The following FBXO4 variants were observed in gnomAD, a reference collection of about 807,000 sequenced individuals.
FBXO4 encodes the protein F-box protein 4, also known as F-box only protein 4.
A neutral mutation model predicts 43.7 loss-of-function variants in FBXO4; 36 were observed. That is an observed-to-expected ratio of 0.82 (90% CI 0.63 to 1.09). FBXO4 has a LOEUF of 1.09. Among genes scored for constraint, FBXO4 ranks in the 50% least tolerant of loss-of-function variants. The pLI is 0.00. For synonymous variants in FBXO4, 180 were observed against 165.6 expected (o/e 1.09, Z -0.67); for missense variants, 435 against 474.1 (o/e 0.92, Z 0.77).
the FBXO4 span, among the ~76,000 whole-genome samples, chr5:41,959,589 T>A: frequency 6.6e-6 from 1 of 152,172 alleles, no homozygotes; most frequent in Non-Finnish European, 1.5e-5. Context: ...TATTTTCATT[T>A]TTCTGCATGT....
the FBXO4 span, among the ~76,000 whole-genome samples, chr5:41,999,464 TG>T: frequency 8.1e-4 from 51 of 63,286 alleles, no homozygotes; most frequent in African/African-American, 2.9e-3. Context: ...TGTGTGTGTG[TG>T]TATATATATA....
chr5:41,974,069 ATCTC>A, the FBXO4 span, among the ~76,000 whole-genome samples: 14 of 152,146 alleles, frequency 9.2e-5, no homozygotes, highest in African/African-American at 3.4e-4. Context: ...GGCTTGCATC[ATCTC>A]TCTAATTGTT....
the FBXO4 span, among the ~76,000 whole-genome samples, chr5:41,955,146 T>C: frequency 6.6e-6 from 1 of 152,184 alleles, no homozygotes; most frequent in African/African-American, 2.4e-5. Context: ...GTCAATGTAC[T>C]TTCACACATC....
At chr5:41,967,043 A>C in the FBXO4 span, 2 of 267,962 alleles carry the variant, frequency 7.5e-6, no homozygotes, top group East Asian at 1.0e-4. Flanking sequence ...AAACCATTTC[A>C]GTGGAAAAAA....
At chr5:41,977,378 G>A in the FBXO4 span, among the ~76,000 whole-genome samples, 1 of 152,034 alleles carries the variant, frequency 6.6e-6, no homozygotes, top group Non-Finnish European at 1.5e-5. Flanking sequence ...TAAATATAAG[G>A]TTCAACTTTA....
intron 1 of FBXO4, among the ~76,000 whole-genome samples, chr5:41,926,781 T>C (rs529666448): frequency 6.6e-6 from 1 of 152,360 alleles, no homozygotes; most frequent in East Asian, 1.9e-4. Flanking sequence ...TTTTCAGGAA[T>C]GTTTCAGGTG....
At chr5:41,982,272 G>T in the FBXO4 span, among the ~76,000 whole-genome samples, 2 of 152,066 alleles carry the variant, frequency 1.3e-5, no homozygotes, top group African/African-American at 4.8e-5. Context: ...CCCAGTAATG[G>T]GATGGCTGGG....
downstream of FBXO4, among the ~76,000 whole-genome samples, chr5:41,944,300 G>A (rs1409594933): frequency 2.0e-5 from 3 of 152,178 alleles, no homozygotes; most frequent in Non-Finnish European, 4.4e-5. Flanking sequence ...TATACCTAGA[G>A]AAAGTACAAT....
chr5:42,030,733 T>C, the FBXO4 span, among the ~76,000 whole-genome samples: 11 of 152,012 alleles, frequency 7.2e-5, 1 homozygote, highest in East Asian at 1.9e-4. Context: ...ATATCCAGAA[T>C]CTACAATGAA....
intron 6 of FBXO4, 99 bp downstream of exon 6, chr5:41,939,715 T>G (rs1051210305): frequency 2.0e-6 from 2 of 992,322 alleles, no homozygotes; most frequent in Admixed American, 2.9e-5. Context: ...GAAATGGCAT[T>G]CTAAAGTCAA....
intron 5 of FBXO4, chr5:41,935,233 A>G: frequency 1.3e-6 from 1 of 756,728 alleles, no homozygotes; most frequent in Non-Finnish European, 1.6e-6. Context: ...ATAAATTAAA[A>G]AAATTTACAA....
the FBXO4 span, among the ~76,000 whole-genome samples, chr5:41,957,146 C>T: frequency 6.6e-6 from 1 of 152,072 alleles, no homozygotes. Flanking sequence ...TGGTTGATGT[C>T]TTTCATCAGT....
chr5:41,973,289 A>G, the FBXO4 span, among the ~76,000 whole-genome samples: 1 of 152,204 alleles, frequency 6.6e-6, no homozygotes, highest in South Asian at 2.1e-4. Flanking sequence ...AAAAGACAAC[A>G]TACAAGCACC....
the FBXO4 span, among the ~76,000 whole-genome samples, chr5:41,969,786 T>G: frequency 2.0e-5 from 3 of 152,146 alleles, no homozygotes; most frequent in Non-Finnish European, 2.9e-5. Context: ...TATTACTTGC[T>G]GATGTCTTAC....
intron 3 of FBXO4, among the ~76,000 whole-genome samples, chr5:41,931,814 G>A (rs935974640): frequency 5.9e-5 from 9 of 152,152 alleles, no homozygotes; most frequent in African/African-American, 2.2e-4. Flanking sequence ...TGGGGGAAGT[G>A]ACTATTAAAT....
the FBXO4 span, among the ~76,000 whole-genome samples, chr5:42,037,782 A>G: frequency 2.0e-5 from 3 of 151,956 alleles, no homozygotes; most frequent in South Asian, 2.1e-4. Context: ...CATCCTCCTA[A>G]CCCCAACTAA....
the FBXO4 span, among the ~76,000 whole-genome samples, chr5:41,960,368 T>C: frequency 2.0e-5 from 3 of 152,256 alleles, no homozygotes; most frequent in East Asian, 5.8e-4. Flanking sequence ...TTGCTCTGTC[T>C]ATAAATTCCA....
chr5:41,943,466 G>A (rs1452592903), downstream of FBXO4, among the ~76,000 whole-genome samples: 1 of 151,970 alleles, frequency 6.6e-6, no homozygotes, highest in Non-Finnish European at 1.5e-5. Flanking sequence ...TTGGACATAA[G>A]TTTTGCTTTA....
chr5:41,936,027 A>G (rs1751839912), intron 5 of FBXO4, among the ~76,000 whole-genome samples: 1 of 152,250 alleles, frequency 6.6e-6, no homozygotes. Context: ...GATTCAGCCT[A>G]CTGCATTAAT....
Sources: gnomAD v4.1 joint callset for allele counts (sites outside exome capture counted in the v4.1 genomes callset) on GRCh38, gnomAD v4.1.1 for gene constraint, MANE v1.5 for transcripts, NCBI Gene and HGNC (gene_info 2026-07-23, HGNC 2026-07-21) for gene names.